The following KLHL7 variants were observed in gnomAD, a reference collection of about 807,000 sequenced individuals.
KLHL7 encodes the protein kelch-like protein 7.
In KLHL7, 44 loss-of-function variants were observed where a neutral mutation model predicts 67.4. The ratio of observed to expected loss-of-function variants is 0.65; its 90% CI spans 0.51 to 0.84. The LOEUF (loss-of-function observed/expected upper bound fraction) is 0.84. Among genes scored for constraint, KLHL7 ranks in the 40% least tolerant of loss-of-function variants. KLHL7 has a pLI of 0.00. For missense variants in KLHL7, 362 were observed against 718.1 expected (o/e 0.50, Z 5.67); for synonymous variants, 252 against 243.3 (o/e 1.04, Z -0.33).
At chr7:23,169,631 G>A (rs1241074780) in intron 9 of KLHL7, among the ~76,000 whole-genome samples, 1 of 151,892 alleles carries the variant, frequency 6.6e-6, no homozygotes, top group Non-Finnish European at 1.5e-5. Flanking sequence ...CTTTATTCAG[G>A]CACTATCAAT....
chr7:23,165,600 T>G lies in KLHL7; in HGVS notation c.937-98T>G, dbSNP rs1583729749. 3 of 1,304,324 alleles carry G rather than the reference T, an allele frequency of 2.3e-6. No individual in the cohort carries two copies. In the East Asian group the frequency reaches 7.1e-5, roughly 31 times the overall value. 80.8% of individuals were successfully genotyped at this position (1,304,324 alleles called of 1,614,324 possible). A position where few individuals can be genotyped will look rare whatever the true frequency, so the allele number is the denominator to read the frequency against. ...CATTTGTATGTGTAGTCTAATAAAT[T>G]AACATATTCTTATATGTTTTTTGAC... On this transcript the variant is annotated intron_variant, in intron 7 of 10. Coordinates refer to ENST00000339077, the MANE Select transcript of KLHL7 (RefSeq NM_001031710.3).
chr7:23,113,919 A>G (rs142488002), intron 1 of KLHL7, among the ~76,000 whole-genome samples: 21 of 152,350 alleles, frequency 1.4e-4, no homozygotes, highest in African/African-American at 4.6e-4. Context: ...CTGTCTATAT[A>G]AATTATATCA....
In KLHL7 at chr7:23,111,246, G is replaced by A. The variant is rs561234812; in HGVS notation, c.120+5100G>A. Among the ~76,000 whole-genome samples the A allele has an allele frequency of 3.3e-5, 5 of 152,302 alleles. No homozygotes were observed. In the South Asian group the frequency reaches 8.3e-4, roughly 25 times the overall value. ...AACTAGGTAAAGAGAAAAGGGAAGA[G>A]TGACTCAAGTAGAGGGAACAACATA... On this transcript the variant is annotated intron_variant, in intron 1 of 10. Transcript: ENST00000339077.
chr7:23,124,156 A>C (rs1294903227), intron 2 of KLHL7, among the ~76,000 whole-genome samples: 5 of 119,776 alleles, frequency 4.2e-5, no homozygotes, highest in African/African-American at 1.6e-4. Context: ...GCACCACTGC[A>C]CTCCATCCTG....
chr7:23,125,130 G>A lies in KLHL7; in HGVS notation c.400G>A (p.Val134Ile), dbSNP rs1414795944. ...GATTGAACCTGTGAAGAAAATGTGT[G>A]TTGATTTTTTGAAAGAACAAGTTGA... ...YQIEPVKKMC[V>I]DFLKEQVDAS... Residue 134 changes from valine (V) to isoleucine (I), a missense_variant, in exon 4 of 11, where the codon GTT (valine) becomes ATT (isoleucine). Around this residue, in one of 5 missense-constraint regions of KLHL7, gnomAD observed 155 missense variants for 280.8 expected, o/e 0.55. Transcript: ENST00000339077. The A allele has an allele frequency of 6.2e-7, 1 of 1,613,294 alleles. No individual in the cohort carries two copies. The highest frequency in any genetic ancestry group is 8.5e-7 in the Non-Finnish European group (1 of 1,179,442).
intron 1 of KLHL7, among the ~76,000 whole-genome samples, chr7:23,115,020 T>C (rs1161166696): frequency 6.6e-6 from 1 of 152,254 alleles, no homozygotes; most frequent in East Asian, 1.9e-4. Context: ...CCTGGTTTCT[T>C]ATACTGTTCA....
intron 6 of KLHL7, among the ~76,000 whole-genome samples, chr7:23,150,404 TG>T (rs1316685918): frequency 6.6e-6 from 1 of 152,196 alleles, no homozygotes; most frequent in Non-Finnish European, 1.5e-5. Context: ...GTGTAAAATT[TG>T]TATATTTGCA....
At chr7:23,154,685 G>A (rs1301747114) in intron 7 of KLHL7, among the ~76,000 whole-genome samples, 1 of 152,160 alleles carries the variant, frequency 6.6e-6, no homozygotes. Flanking sequence ...AAGAGTCAAG[G>A]GATCCTTGAG....
rs774614715 is a variant in KLHL7, at chr7:23,173,027, G to C, written c.1459G>C (p.Gly487Arg). The change falls in exon 10 of 11, where the codon GGT becomes CGT. Residue 487 changes from glycine (G) to arginine (R), a missense_variant. By Grantham distance (125) the Gly-to-Arg change is moderately radical. Around this residue, in one of 5 missense-constraint regions of KLHL7, gnomAD observed 136 missense variants for 252.7 expected, o/e 0.54. Coordinates refer to ENST00000339077, the MANE Select transcript of KLHL7 (RefSeq NM_001031710.3). ...VFVKDKIFAV[G>R]GQNGLGGLDN... is the part of the protein sequence containing the mutation. ...TGTAAAAGACAAGATATTTGCTGTG[G>C]GTGGTCAGAATGGTTTAGGTATGTG... is the stretch of plus-strand genomic sequence containing the variant. The C allele has an allele frequency of 6.2e-7, 1 of 1,613,318 alleles. No individual in the cohort carries two copies. Among genetic ancestry groups the C allele is most frequent in the South Asian group, 1.1e-5 (1 of 91,058 alleles).
chr7:23,147,571 T>A (rs990446394), intron 6 of KLHL7, among the ~76,000 whole-genome samples: 7 of 152,206 alleles, frequency 4.6e-5, no homozygotes, highest in African/African-American at 1.7e-4. Context: ...TAATTCCTTA[T>A]ATGTTTTGTA....
At position 23,152,102 on chromosome 7, in the gene KLHL7, C is replaced by G; in HGVS notation, c.829C>G (p.Arg277Gly). Residue 277 changes from arginine (R) to glycine (G), a missense_variant, in exon 7 of 11, where the codon CGA (arginine) becomes GGA (glycine). Arg to Gly is a moderately radical substitution (Grantham distance 125, BLOSUM62 -2). Transcript: ENST00000339077. ...MRYHLLSPED[R>G]EELVDGTRPR... ...GTACCATCTACTGTCTCCAGAGGAC[C>G]GAGAAGAACTTGTAGATGGCACAAG... The G allele has an allele frequency of 1.2e-6, 2 of 1,613,772 alleles. No homozygotes were observed. The highest frequency in any genetic ancestry group is 1.7e-6 in the Non-Finnish European group (2 of 1,179,760).
At chr7:23,107,673 C>G (rs1015642250) in intron 1 of KLHL7, among the ~76,000 whole-genome samples, 1 of 152,130 alleles carries the variant, frequency 6.6e-6, no homozygotes, top group Non-Finnish European at 1.5e-5. Context: ...AGTACAATTA[C>G]TGAAAAATCA....
intron 7 of KLHL7, among the ~76,000 whole-genome samples, chr7:23,161,949 G>T (rs4321897): frequency 2.6e-5 from 4 of 152,346 alleles, no homozygotes. Flanking sequence ...GCAGTTGAGC[G>T]TTGTGCTTAT....
intron 9 of KLHL7, among the ~76,000 whole-genome samples, chr7:23,169,091 T>C (rs1583735350): frequency 6.6e-6 from 1 of 152,018 alleles, no homozygotes; most frequent in Non-Finnish European, 1.5e-5. Context: ...CAAAATCCCG[T>C]CTCTACTAAA....
At chr7:23,106,789 C>T in intron 1 of KLHL7, 1 of 983,886 alleles carries the variant, frequency 1.0e-6, no homozygotes, top group South Asian at 4.7e-5. Context: ...AGCACATCGG[C>T]GAAAGGTGGG....
Position 23,172,794 on chromosome 7 carries a change from A to C in KLHL7, c.1380-154A>C, listed in dbSNP as rs75414722. 5,752 of 618,248 alleles carry C rather than the reference A, an allele frequency of 9.3e-3. 247 individuals are homozygous for C. The highest frequency in any genetic ancestry group is 0.093 in the African/African-American group (5,069 of 54,620). 38.3% of individuals were successfully genotyped at this position (618,248 alleles called of 1,614,324 possible). A position where few individuals can be genotyped will look rare whatever the true frequency, so the allele number is the denominator to read the frequency against. Reference sequence around the variant, plus strand: ...ATAAATTACCCATAATCATTGTTCAACTTTTGTTTTCTACCCTTCTAGACA... The same window carrying C: ...ATAAATTACCCATAATCATTGTTCACCTTTTGTTTTCTACCCTTCTAGACA... On this transcript the variant is annotated intron_variant, in intron 9 of 10. Coordinates refer to ENST00000339077, the MANE Select transcript of KLHL7 (RefSeq NM_001031710.3).
At chr7:23,144,709 T>G (rs929224718) in intron 6 of KLHL7, among the ~76,000 whole-genome samples, 1 of 152,182 alleles carries the variant, frequency 6.6e-6, no homozygotes, top group African/African-American at 2.4e-5. Context: ...TTCTTTTTGT[T>G]TGATGCAACA....
At chr7:23,106,519 G>T (rs777392373) in intron 1 of KLHL7, 3 of 1,131,416 alleles carry the variant, frequency 2.7e-6, no homozygotes, top group Admixed American at 8.4e-5. Context: ...GAAGAAACCC[G>T]TTGGCATAGC....
chr7:23,143,622 A>G (rs1050347046), intron 5 of KLHL7, among the ~76,000 whole-genome samples: 4 of 152,092 alleles, frequency 2.6e-5, no homozygotes, highest in African/African-American at 9.7e-5. Flanking sequence ...CCTCCCTGTC[A>G]TTACACTACA....
Sources: gnomAD v4.1 joint callset for allele counts (sites outside exome capture counted in the v4.1 genomes callset) on GRCh38, gnomAD v4.1.1 for gene constraint, gnomAD v4.1.1 regional missense constraint, MANE v1.5 for transcripts, NCBI Gene and HGNC (gene_info 2026-07-23, HGNC 2026-07-21) for gene names.